AFF3: variants seen among roughly 807,000 people sequenced by gnomAD.
AFF3 encodes the protein ALF transcription elongation factor 3.
A neutral mutation model predicts 129.7 loss-of-function variants in AFF3; 32 were observed. The ratio of observed to expected loss-of-function variants is 0.25; its 90% confidence interval spans 0.19 to 0.33. The LOEUF is 0.33. AFF3 is among the 10% of genes least tolerant of loss of function. The pLI, the probability that AFF3 is intolerant of heterozygous loss-of-function variation, is 1.00. For synonymous variants in AFF3, 644 were observed against 635.4 expected (o/e 1.01, Z -0.20); for missense variants, 1,373 against 1,592.0 (o/e 0.86, Z 2.34).
At chr2:99,587,473 GT>G (rs1312913514) in intron 15 of AFF3, among the ~76,000 whole-genome samples, 195 bp from the exon 16 acceptor site, 1 of 152,178 alleles carries the variant, frequency 6.6e-6, no homozygotes, top group Non-Finnish European at 1.5e-5. Flanking sequence ...AAATCTGTCA[GT>G]TTTACAATTG....
intron 8 of AFF3, among the ~76,000 whole-genome samples, chr2:99,769,115 A>G (rs1304999972): frequency 6.6e-6 from 1 of 152,180 alleles, no homozygotes; most frequent in Non-Finnish European, 1.5e-5. Flanking sequence ...TTTAAGGCCA[A>G]CAATTCTTAG....
chr2:99,858,409 G>A (rs1350572402), intron 7 of AFF3, among the ~76,000 whole-genome samples: 3 of 151,672 alleles, frequency 2.0e-5, no homozygotes, highest in African/African-American at 7.3e-5. Context: ...AAATTAGCTG[G>A]GCATGGTGGC....
intron 7 of AFF3, among the ~76,000 whole-genome samples, chr2:99,944,770 T>C (rs570058089): frequency 2.0e-5 from 3 of 152,264 alleles, no homozygotes; most frequent in African/African-American, 7.2e-5. Flanking sequence ...GCCAGAGTGA[T>C]ATATAGTAAA....
intron 7 of AFF3, among the ~76,000 whole-genome samples, chr2:99,976,985 A>C (rs1678960025): frequency 6.6e-6 from 1 of 152,200 alleles, no homozygotes; most frequent in South Asian, 2.1e-4. Context: ...ATGATTGCCA[A>C]AGAAAATGGT....
intron 8 of AFF3, among the ~76,000 whole-genome samples, chr2:99,825,564 G>A (rs1179741328): frequency 6.6e-6 from 1 of 152,162 alleles, no homozygotes; most frequent in Non-Finnish European, 1.5e-5. Flanking sequence ...AAACAGTTTT[G>A]ACTTCCAGCC....
intron 10 of AFF3, among the ~76,000 whole-genome samples, chr2:99,734,258 T>C (rs1187384104): frequency 6.6e-6 from 1 of 152,050 alleles, no homozygotes; most frequent in Non-Finnish European, 1.5e-5. Flanking sequence ...TATACAGCAA[T>C]CTTGCTAAAT....
At chr2:99,644,540 C>T (rs1459554923) in intron 13 of AFF3, among the ~76,000 whole-genome samples, 2 of 152,212 alleles carry the variant, frequency 1.3e-5, no homozygotes, top group Admixed American at 6.5e-5. Flanking sequence ...CTGAGAGCAG[C>T]GCTGTCACTC....
chr2:100,053,958 A>G (rs1559090449), intron 4 of AFF3, among the ~76,000 whole-genome samples: 1 of 152,214 alleles, frequency 6.6e-6, no homozygotes, highest in Non-Finnish European at 1.5e-5. Context: ...GGTCTCTTCA[A>G]AATCAAGCAC....
In AFF3 at chr2:100,029,244, C is replaced by T. The variant is rs548663089; in HGVS notation, c.54-20312G>A. 2.0e-5 allele frequency among the ~76,000 whole-genome samples: 3 copies of T among 152,200 alleles called. No homozygotes were observed. The South Asian group carries it at 6.2e-4, about 32-fold the overall frequency. On this transcript the variant is annotated intron_variant, in intron 4 of 24. Transcript: ENST00000672756. ...TAAAATTGGGTCATTAGGGTGGGCC[C>T]TAACCCAATCTGACTGGTGTCCTTA...
intron 11 of AFF3, among the ~76,000 whole-genome samples, chr2:99,713,423 C>T (rs190445947): frequency 6.6e-6 from 1 of 151,936 alleles, no homozygotes; most frequent in East Asian, 1.9e-4. Flanking sequence ...CACGTGCCAC[C>T]ACGCTCAGCT....
At position 99,590,646 on chromosome 2, in the gene AFF3, C is replaced by T. The variant is rs760134259; in HGVS notation, c.2466+2549G>A. On this transcript the variant is annotated intron_variant, in intron 15 of 24. Transcript: ENST00000672756. ...GGGACCAACTAAGGGCGCCCACTGC[C>T]GGCTAATAATGGCCAGTGCTGGGTG... 5.3e-5 allele frequency among the ~76,000 whole-genome samples: 8 copies of T among 152,126 alleles called. No homozygotes were observed. The East Asian group carries it at 7.7e-4, about 15-fold the overall frequency.
At chr2:99,756,586 T>G (rs186321070) in intron 8 of AFF3, among the ~76,000 whole-genome samples, 4 of 152,330 alleles carry the variant, frequency 2.6e-5, no homozygotes, top group Admixed American at 2.0e-4. Context: ...CATCAGTATC[T>G]CACTGGTATT....
intron 13 of AFF3, among the ~76,000 whole-genome samples, chr2:99,607,871 C>T (rs772069847): frequency 8.5e-5 from 13 of 152,190 alleles, no homozygotes; most frequent in Non-Finnish European, 1.8e-4. Flanking sequence ...AATAGCATCA[C>T]TATTGATATT....
chr2:99,753,492 G>A (rs1181006306), intron 8 of AFF3, among the ~76,000 whole-genome samples: 1 of 152,140 alleles, frequency 6.6e-6, no homozygotes, highest in Non-Finnish European at 1.5e-5. Context: ...AAATTCTCTC[G>A]CTCGAGGTGA....
chr2:99,726,354 GA>G (rs1028175380), intron 11 of AFF3, among the ~76,000 whole-genome samples: 3 of 152,144 alleles, frequency 2.0e-5, no homozygotes, highest in African/African-American at 7.2e-5. Context: ...CTTATAATAA[GA>G]AAACACATGC....
intron 12 of AFF3, among the ~76,000 whole-genome samples, chr2:99,654,660 T>C (rs1685584164): frequency 6.6e-6 from 1 of 152,170 alleles, no homozygotes; most frequent in South Asian, 2.1e-4. Flanking sequence ...CTCAGCAAAA[T>C]AGGTTGAGAG....
At chr2:100,141,231 G>A (rs1692857408) in intron 1 of AFF3, among the ~76,000 whole-genome samples, 1 of 152,142 alleles carries the variant, frequency 6.6e-6, no homozygotes, top group South Asian at 2.1e-4. Context: ...AATAAGCAAT[G>A]TATATATTTT....
chr2:99,747,443 C>G (rs1026564159), intron 9 of AFF3, among the ~76,000 whole-genome samples: 1 of 152,146 alleles, frequency 6.6e-6, no homozygotes, highest in Non-Finnish European at 1.5e-5. Context: ...GATCCTCCTG[C>G]CTTCGTAGCT....
chr2:100,122,637 C>T (rs559792106), intron 2 of AFF3, among the ~76,000 whole-genome samples: 5 of 152,174 alleles, frequency 3.3e-5, no homozygotes, highest in African/African-American at 9.6e-5. Context: ...GGCCCAGGTG[C>T]GTGCAATTGA....
Sources: gnomAD v4.1 joint callset for allele counts (sites outside exome capture counted in the v4.1 genomes callset) on GRCh38, gnomAD v4.1.1 for gene constraint, MANE v1.5 for transcripts, NCBI Gene and HGNC (gene_info 2026-07-23, HGNC 2026-07-21) for gene names.